The following LITAF variants were observed in gnomAD, a reference collection of about 807,000 sequenced individuals.
The protein encoded by LITAF is lipopolysaccharide-induced tumor necrosis factor-alpha factor.
LITAF carries 9 observed loss-of-function variants against 14.5 expected under a neutral mutation model. The observed-to-expected ratio is 0.62, with a 90% CI of 0.37 to 1.08. The LOEUF is 1.08. Ranked by LOEUF, LITAF falls within the 50% of genes least tolerant of loss-of-function variation. The pLI is 0.01. For synonymous variants in LITAF, 98 were observed against 88.2 expected (o/e 1.11, Z -0.62); for missense variants, 206 against 213.4 (o/e 0.97, Z 0.22).
rs116647905 is a variant in LITAF, at chr16:11,559,826, C to G, written c.-5-3091G>C. ...CCTGAGCAACATAGGGAGACACTGT[C>G]TCTACAAAAAAATTAAAAATTAGCC... On this transcript the variant is annotated intron_variant, in intron 1 of 3. Coordinates refer to ENST00000622633, the MANE Select transcript of LITAF (RefSeq NM_001136472.2). Among the ~76,000 whole-genome samples the G allele has an allele frequency of 4.5e-3, 674 of 149,182 alleles. 7 individuals are homozygous for G. Among genetic ancestry groups the G allele is most frequent in the African/African-American group, 0.016 (634 of 40,344 alleles).
In LITAF at chr16:11,556,366, G is replaced by A. The variant is rs566341956; in HGVS notation, c.220+145C>T. ...ACCAACATGGAATCTAAAAGACTGC[G>A]TGTGGAATTTCAAGGTAAGGGGGTA... On this transcript the variant is annotated intron_variant, in intron 2 of 3. Transcript: ENST00000622633. The A allele has an allele frequency of 1.3e-4, 85 of 655,874 alleles. No homozygotes were observed. The South Asian group carries it at 1.4e-3, about 11-fold the overall frequency. 40.6% of individuals were successfully genotyped at this position (655,874 alleles called of 1,614,324 possible).
At chr16:11,627,887 C>T (rs1188825641) in intron 3 of LITAF, among the ~76,000 whole-genome samples, 1 of 151,582 alleles carries the variant, frequency 6.6e-6, no homozygotes, top group Non-Finnish European at 1.5e-5. Context: ...CGTGGTACCA[C>T]ACATCTGTAG....
intron 3 of LITAF, among the ~76,000 whole-genome samples, chr16:11,623,563 G>C (rs550950075): frequency 4.9e-4 from 75 of 152,112 alleles, no homozygotes; most frequent in Middle Eastern, 6.8e-3. Flanking sequence ...AGGAGGCTAA[G>C]GCAGGAGAAT....
At chr16:11,576,544 A>G (rs1382827164) in intron 1 of LITAF, among the ~76,000 whole-genome samples, 2 of 114,312 alleles carry the variant, frequency 1.7e-5, no homozygotes, top group African/African-American at 6.4e-5. Flanking sequence ...CAAAAAAAAA[A>G]AAAAAAAAAA....
upstream of LITAF, among the ~76,000 whole-genome samples, chr16:11,637,994 CTA>C (rs375261202): frequency 2.9e-3 from 122 of 41,624 alleles, 2 homozygotes; most frequent in Middle Eastern, 0.01. Context: ...CTATATATAT[CTA>C]TATATATCTA....
chr16:11,615,223 G>T (rs1473591512), intron 3 of LITAF, among the ~76,000 whole-genome samples: 2 of 152,130 alleles, frequency 1.3e-5, no homozygotes, highest in African/African-American at 2.4e-5. Context: ...GGTGTAAATG[G>T]CATGGGCAAC....
chr16:11,550,569 G>A (rs1188729883), intron 3 of LITAF, among the ~76,000 whole-genome samples: 2 of 152,214 alleles, frequency 1.3e-5, no homozygotes, highest in East Asian at 3.8e-4. Flanking sequence ...CAAATCTGGG[G>A]TCATTTGGGA....
At chr16:11,592,502 G>A (rs903476675) in intron 1 of LITAF, among the ~76,000 whole-genome samples, 1 of 151,712 alleles carries the variant, frequency 6.6e-6, no homozygotes, top group Non-Finnish European at 1.5e-5. Context: ...CTGAGCCTGG[G>A]AGGTCAACAC....
At chr16:11,579,417 G>C (rs975405491) in intron 1 of LITAF, among the ~76,000 whole-genome samples, 4 of 151,474 alleles carry the variant, frequency 2.6e-5, no homozygotes, top group African/African-American at 9.7e-5. Flanking sequence ...CGCCACTGCA[G>C]TCCGCAGTCC....
At chr16:11,583,048 C>T (rs554323538) in intron 1 of LITAF, among the ~76,000 whole-genome samples, 7 of 152,272 alleles carry the variant, frequency 4.6e-5, no homozygotes, top group Middle Eastern at 6.8e-3. Flanking sequence ...AGGGGAAACC[C>T]GGACCTCCAG....
intron 1 of LITAF, among the ~76,000 whole-genome samples, chr16:11,563,578 C>G (rs2064406717): frequency 6.6e-6 from 1 of 152,156 alleles, no homozygotes; most frequent in African/African-American, 2.4e-5. Context: ...TTACTGTGCA[C>G]TTTTATGCCA....
chr16:11,584,384 A>C (rs1243633941), intron 1 of LITAF: 1 of 152,186 alleles, frequency 6.6e-6, no homozygotes, highest in East Asian at 1.9e-4. Context: ...CCATTCTCAA[A>C]GTGCTATTAT....
intron 3 of LITAF, among the ~76,000 whole-genome samples, chr16:11,617,234 A>G (rs1416430970): frequency 1.3e-5 from 2 of 151,974 alleles, no homozygotes; most frequent in Non-Finnish European, 2.9e-5. Context: ...AAATAAATAA[A>G]TAGAAATAAA....
chr16:11,589,057 C>T (rs916283558), upstream of LITAF, among the ~76,000 whole-genome samples: 3 of 152,122 alleles, frequency 2.0e-5, no homozygotes, highest in Non-Finnish European at 2.9e-5. Context: ...TAAACACTTA[C>T]CACGGCTGTG....
upstream of LITAF, among the ~76,000 whole-genome samples, chr16:11,601,541 C>A (rs1005718086): frequency 6.6e-6 from 1 of 152,072 alleles, no homozygotes; most frequent in Non-Finnish European, 1.5e-5. Flanking sequence ...CTGGTTCCTA[C>A]AAGGAAACAC....
At chr16:11,580,636 A>C (rs12445902) in intron 1 of LITAF, among the ~76,000 whole-genome samples, 23,038 of 152,092 alleles carry the variant, frequency 0.15, 1,889 homozygotes, top group South Asian at 0.23. Context: ...GGCTACTCTG[A>C]GACAACTTTC....
At position 11,632,396 on chromosome 16, in the gene LITAF, A is replaced by G. The variant is rs947476534; in HGVS notation, c.85+1137T>C. ...CGAGATGACAGAGACAGGGAGAGGG[A>G]CAGAGACAGGGAGAGGGACAGAGAG... On this transcript the variant is annotated intron_variant, in intron 3 of 3. Transcript: ENST00000574848. The surrounding 1 kb of genome is among the most constrained non-coding windows in gnomAD (Gnocchi z 4.8). 6.6e-6 allele frequency among the ~76,000 whole-genome samples: 1 copy of G among 151,928 alleles called. No individual in the cohort carries two copies. The highest frequency in any genetic ancestry group is 1.5e-5 in the Non-Finnish European group (1 of 67,988).
At chr16:11,613,883 T>A (rs1288900847) in intron 3 of LITAF, among the ~76,000 whole-genome samples, 1 of 152,218 alleles carries the variant, frequency 6.6e-6, no homozygotes, top group Admixed American at 6.5e-5. Context: ...GGGCCACTTC[T>A]CTCGCTGAAT....
At position 11,580,569 on chromosome 16, in the gene LITAF, T is replaced by A. The variant is rs111939862; in HGVS notation, c.-6+6317A>T. On this transcript the variant is annotated intron_variant, in intron 1 of 3. Coordinates refer to ENST00000622633, the MANE Select transcript of LITAF (RefSeq NM_001136472.2). ...CCGTGCCTGGCTGGAAGATCTTAAC[T>A]TAGGAGAGGAGACTGAAGGTCGACA... 1.1e-3 allele frequency among the ~76,000 whole-genome samples: 173 copies of A among 152,102 alleles called. 2 individuals are homozygous for A. The highest frequency in any genetic ancestry group is 4.0e-3 in the African/African-American group (165 of 41,522).
Sources: gnomAD v4.1 joint callset for allele counts (sites outside exome capture counted in the v4.1 genomes callset) on GRCh38, gnomAD v4.1.1 for gene constraint, Gnocchi (gnomAD v3.1) non-coding constraint, MANE v1.5 for transcripts, NCBI Gene and HGNC (gene_info 2026-07-23, HGNC 2026-07-21) for gene names.